MAD1L1: variants seen among roughly 807,000 people sequenced by gnomAD.
The protein encoded by MAD1L1 is mitotic spindle assembly checkpoint protein MAD1.
MAD1L1 carries 95 observed loss-of-function variants against 96.9 expected under a neutral mutation model. The ratio of observed to expected loss-of-function variants is 0.98; its 90% CI spans 0.83 to 1.16. The LOEUF (loss-of-function observed/expected upper bound fraction) is 1.16. Among genes scored for constraint, MAD1L1 ranks in the 50% most tolerant of loss-of-function variants. MAD1L1 has a pLI of 0.00. For synonymous variants in MAD1L1, 473 were observed against 396.6 expected (o/e 1.19, Z -2.29); for missense variants, 1,007 against 954.4 (o/e 1.06, Z -0.73).
intron 11 of MAD1L1, among the ~76,000 whole-genome samples, chr7:2,129,580 G>T (rs561767870): frequency 2.0e-5 from 3 of 152,342 alleles, no homozygotes; most frequent in South Asian, 4.1e-4. Context: ...CTCCCGTCAT[G>T]AGGAGAGAGC....
At chr7:2,014,075 C>T (rs1159003245) in intron 13 of MAD1L1, among the ~76,000 whole-genome samples, 3 of 152,304 alleles carry the variant, frequency 2.0e-5, no homozygotes, top group East Asian at 3.9e-4. Context: ...ACACCCTGCC[C>T]GTCAGGCCCC....
At chr7:1,911,851 G>A (rs1048069620) in intron 17 of MAD1L1, among the ~76,000 whole-genome samples, 5 of 152,242 alleles carry the variant, frequency 3.3e-5, no homozygotes, top group Non-Finnish European at 5.9e-5. Context: ...GAACCTCTGC[G>A]GCACACACAC....
intron 18 of MAD1L1, among the ~76,000 whole-genome samples, chr7:1,885,549 G>A (rs960394635): frequency 2.0e-5 from 3 of 152,182 alleles, no homozygotes; most frequent in Non-Finnish European, 4.4e-5. Flanking sequence ...GACACGTGGA[G>A]CTGTCCCACG....
intron 18 of MAD1L1, among the ~76,000 whole-genome samples, chr7:1,873,268 C>G (rs916906868): frequency 6.6e-6 from 1 of 152,186 alleles, no homozygotes; most frequent in African/African-American, 2.4e-5. Context: ...CTGGACCTCA[C>G]GGGCTGGGGC....
intron 16 of MAD1L1, among the ~76,000 whole-genome samples, chr7:1,950,667 G>C (rs764785941): frequency 1.3e-5 from 2 of 152,206 alleles, no homozygotes; most frequent in Non-Finnish European, 1.5e-5. Context: ...CTCCTCCCCT[G>C]CACCCAGGCC....
intron 18 of MAD1L1, among the ~76,000 whole-genome samples, chr7:1,875,871 A>G (rs1247569200): frequency 2.0e-5 from 3 of 152,172 alleles, no homozygotes; most frequent in Admixed American, 6.5e-5. Context: ...AAGTCTGATG[A>G]AGGTCATAAG....
chr7:1,967,202 C>A (rs1780204418), intron 15 of MAD1L1, among the ~76,000 whole-genome samples: 1 of 152,166 alleles, frequency 6.6e-6, no homozygotes, highest in African/African-American at 2.4e-5. Flanking sequence ...TCTCAGTAGG[C>A]AGTGATAAGT....
At chr7:1,867,644 C>A (rs1007265789) in intron 18 of MAD1L1, among the ~76,000 whole-genome samples, 2 of 152,212 alleles carry the variant, frequency 1.3e-5, no homozygotes, top group African/African-American at 4.8e-5. Flanking sequence ...ATTCCAGGAA[C>A]CTGCGCCTGA....
intron 17 of MAD1L1, among the ~76,000 whole-genome samples, chr7:1,920,405 C>T (rs1157594785): frequency 2.0e-5 from 3 of 152,184 alleles, no homozygotes; most frequent in South Asian, 2.1e-4. Context: ...ACTCGGCTGC[C>T]GTGGCAGCCT....
chr7:2,129,176 G>A (rs771260829), intron 11 of MAD1L1, among the ~76,000 whole-genome samples: 3 of 152,194 alleles, frequency 2.0e-5, no homozygotes, highest in Non-Finnish European at 2.9e-5. Flanking sequence ...GCAGGATCCC[G>A]GGGGAGCTGG....
At chr7:1,908,057 C>T (rs151255381) in intron 17 of MAD1L1, among the ~76,000 whole-genome samples, 2,135 of 152,356 alleles carry the variant, frequency 0.014, 46 homozygotes, top group African/African-American at 0.049. Context: ...GGTGACCAGA[C>T]AGTACGTTTG....
intron 18 of MAD1L1, among the ~76,000 whole-genome samples, chr7:1,875,390 G>A (rs1785330681): frequency 6.6e-6 from 1 of 152,222 alleles, no homozygotes; most frequent in Non-Finnish European, 1.5e-5. Flanking sequence ...GACCCCAGAT[G>A]CCACTAAGAA....
At chr7:1,981,209 C>T (rs1190279113) in intron 14 of MAD1L1, among the ~76,000 whole-genome samples, 1 of 152,182 alleles carries the variant, frequency 6.6e-6, no homozygotes, top group Admixed American at 6.5e-5. Flanking sequence ...TCGGGTGATT[C>T]ACCCGCCTCC....
intron 17 of MAD1L1, 90 bp downstream of exon 17, chr7:1,936,597 A>C (rs971825121): frequency 7.7e-7 from 1 of 1,304,372 alleles, no homozygotes; most frequent in African/African-American, 1.5e-5. Context: ...GATGACAGGC[A>C]GGGGCGCCTG....
At chr7:1,952,906 G>C (rs551430055) in intron 16 of MAD1L1, among the ~76,000 whole-genome samples, 1 of 152,362 alleles carries the variant, frequency 6.6e-6, no homozygotes, top group South Asian at 2.1e-4. Context: ...GGCCAGACCT[G>C]AGGAGGTTGG....
intron 12 of MAD1L1, among the ~76,000 whole-genome samples, chr7:2,043,065 CTCTT>C (rs1783763053): frequency 6.6e-6 from 1 of 152,210 alleles, no homozygotes; most frequent in South Asian, 2.1e-4. Flanking sequence ...TCTCCACAAT[CTCTT>C]TATTTATAAA....
intron 17 of MAD1L1, among the ~76,000 whole-genome samples, chr7:1,902,805 T>C (rs748342157): frequency 1.3e-5 from 2 of 152,068 alleles, no homozygotes; most frequent in Non-Finnish European, 2.9e-5. Context: ...TCATGATTGA[T>C]GAAGCACTGT....
chr7:1,836,825 C>G (rs1782959020), intron 18 of MAD1L1, among the ~76,000 whole-genome samples: 1 of 151,710 alleles, frequency 6.6e-6, no homozygotes, highest in Non-Finnish European at 1.5e-5. Flanking sequence ...CAAAATGGAT[C>G]ATGAACACAA....
chr7:2,171,112 T>C lies in MAD1L1; in HGVS notation c.987-21874A>G, dbSNP rs1030710078. On this transcript the variant is annotated intron_variant, in intron 10 of 18. Coordinates refer to ENST00000265854, the MANE Select transcript of MAD1L1 (RefSeq NM_001013836.2). ...CTACGCCACTGGTGGCTGCCATTAA[T>C]GAATGGGGTAGAAAAGAGAACTGGG... 2.6e-5 allele frequency among the ~76,000 whole-genome samples: 4 copies of C among 152,334 alleles called. No homozygotes were observed. In the East Asian group the frequency reaches 7.7e-4, roughly 29 times the overall value.
Sources: allele counts gnomAD v4.1 joint callset (sites outside exome capture counted in the v4.1 genomes callset), GRCh38; gene constraint gnomAD v4.1.1; transcripts MANE v1.5; gene names NCBI Gene and HGNC (gene_info 2026-07-23, HGNC 2026-07-21).